The following TRDN variants were observed in gnomAD, a reference collection of about 807,000 sequenced individuals.
The protein encoded by TRDN is triadin in skeletal muscle.
In TRDN, 161 loss-of-function variants were observed where a neutral mutation model predicts 149.7. The observed-to-expected ratio is 1.08, with a 90% confidence interval of 0.95 to 1.23. The LOEUF (loss-of-function observed/expected upper bound fraction) is 1.23, where lower values mean the gene tolerates loss of function less well. TRDN is among the 50% of genes most tolerant of loss of function. TRDN has a pLI of 0.00. For synonymous variants in TRDN, 294 were observed against 250.5 expected (o/e 1.17, Z -1.64); for missense variants, 896 against 823.5 (o/e 1.09, Z -1.08).
intron 4 of TRDN, among the ~76,000 whole-genome samples, chr6:123,540,160 A>G (rs1385766580): frequency 6.6e-6 from 1 of 152,234 alleles, no homozygotes; most frequent in Non-Finnish European, 1.5e-5. Context: ...AGGCCTTGAT[A>G]AAGTGCATAT....
intron 21 of TRDN, chr6:123,349,651 A>T: frequency 1.1e-6 from 1 of 947,028 alleles, no homozygotes; most frequent in South Asian, 4.9e-5. Flanking sequence ...GTCTTTTTTT[A>T]TAACTTTGGT....
At chr6:123,446,913 ATT>A (rs5879681) in intron 10 of TRDN, among the ~76,000 whole-genome samples, 2 of 150,642 alleles carry the variant, frequency 1.3e-5, no homozygotes, top group African/African-American at 4.9e-5. Context: ...TTCTTCTTCT[ATT>A]TTTTTTTTCC....
At chr6:123,572,970 T>C (rs770374302) in intron 1 of TRDN, among the ~76,000 whole-genome samples, 8 of 152,088 alleles carry the variant, frequency 5.3e-5, no homozygotes, top group Non-Finnish European at 1.0e-4. Context: ...ATGTGTCCAA[T>C]AATAATTGAA....
chr6:123,535,659 A>G (rs1034403631), intron 4 of TRDN, among the ~76,000 whole-genome samples: 1 of 152,158 alleles, frequency 6.6e-6, no homozygotes. Context: ...TTCCTCACAC[A>G]GACTGTTTTT....
At chr6:123,319,917 T>C (rs1779180473) in intron 23 of TRDN, among the ~76,000 whole-genome samples, 1 of 152,094 alleles carries the variant, frequency 6.6e-6, no homozygotes, top group Non-Finnish European at 1.5e-5. Flanking sequence ...AATAGTGTTT[T>C]CAAGTAGAAT....
chr6:123,571,382 T>A (rs1329694686), intron 1 of TRDN, among the ~76,000 whole-genome samples: 1 of 152,138 alleles, frequency 6.6e-6, no homozygotes, highest in African/African-American at 2.4e-5. Flanking sequence ...TGAGGGAGAA[T>A]CAACACAAGT....
At chr6:123,226,990 G>A (rs993730037) in intron 38 of TRDN, among the ~76,000 whole-genome samples, 2 of 151,832 alleles carry the variant, frequency 1.3e-5, no homozygotes, top group African/African-American at 4.8e-5. Flanking sequence ...TAGAGACAGC[G>A]AAGGACAGAG....
At chr6:123,266,656 G>GTATTATATATAATATATAT (rs1562237738) in intron 32 of TRDN, among the ~76,000 whole-genome samples, 1 of 27,266 alleles carries the variant, frequency 3.7e-5, no homozygotes, top group Non-Finnish European at 5.9e-5. Context: ...ATAATAATAT[G>GTATTATATATAATATATAT]TATAATATGT....
At chr6:123,288,936 C>A (rs1777896086) in intron 24 of TRDN, among the ~76,000 whole-genome samples, 1 of 151,284 alleles carries the variant, frequency 6.6e-6, no homozygotes, top group South Asian at 2.1e-4. Flanking sequence ...ATTTGAACTC[C>A]CATGTTCATT....
chr6:123,544,252 C>G (rs904877388), intron 4 of TRDN, among the ~76,000 whole-genome samples: 1 of 24,398 alleles, frequency 4.1e-5, no homozygotes, highest in Non-Finnish European at 9.3e-5. Context: ...TACATACACA[C>G]ACACACACAC....
chr6:123,344,000 T>G (rs1780161094), intron 21 of TRDN, among the ~76,000 whole-genome samples: 1 of 152,040 alleles, frequency 6.6e-6, no homozygotes, highest in African/African-American at 2.4e-5. Context: ...TCTCTTGCCC[T>G]CTTTCTGCAT....
intron 22 of TRDN, among the ~76,000 whole-genome samples, chr6:123,336,096 G>A (rs1779855961): frequency 6.6e-6 from 1 of 151,482 alleles, no homozygotes; most frequent in African/African-American, 2.4e-5. Context: ...CATAGTGTAT[G>A]TCCAATGCAT....
intron 40 of TRDN, among the ~76,000 whole-genome samples, chr6:123,220,150 T>C (rs1196265349): frequency 6.6e-6 from 1 of 151,848 alleles, no homozygotes; most frequent in Non-Finnish European, 1.5e-5. Context: ...TTACTAAAAG[T>C]ATTTGCGTTT....
intron 18 of TRDN, 144 bp from the exon 19 acceptor site, chr6:123,375,775 A>C (rs1781478897): frequency 1.7e-6 from 1 of 602,336 alleles, no homozygotes; most frequent in Non-Finnish European, 2.7e-6. Flanking sequence ...TGAGAAAAGG[A>C]AAATATAATA....
At chr6:123,411,292 GC>G (rs1773432963) in intron 12 of TRDN, among the ~76,000 whole-genome samples, 1 of 151,952 alleles carries the variant, frequency 6.6e-6, no homozygotes, top group Non-Finnish European at 1.5e-5. Context: ...TGATCCGCCT[GC>G]CTCGGCTTCC....
chr6:123,564,814 C>A (rs938188683), intron 2 of TRDN, among the ~76,000 whole-genome samples: 2 of 152,136 alleles, frequency 1.3e-5, no homozygotes, highest in African/African-American at 2.4e-5. Context: ...TTAATTCTTA[C>A]AAAATTGGTT....
chr6:123,372,981 C>T (rs1339055733), intron 19 of TRDN, among the ~76,000 whole-genome samples: 2 of 148,742 alleles, frequency 1.3e-5, no homozygotes, highest in Non-Finnish European at 3.0e-5. Flanking sequence ...CCCTGCCTAG[C>T]CCAAGGTACA....
chr6:123,393,794 G>T, intron 12 of TRDN, 117 bp from the exon 13 acceptor site: 1 of 974,082 alleles, frequency 1.0e-6, no homozygotes, highest in Non-Finnish European at 1.5e-6. Context: ...CTTTTGACAC[G>T]AAGAATTTTT....
chr6:123,254,292 G>A (rs1776475937), intron 37 of TRDN, among the ~76,000 whole-genome samples: 1 of 151,918 alleles, frequency 6.6e-6, no homozygotes, highest in Non-Finnish European at 1.5e-5. Context: ...TGATAATTAT[G>A]AATACATTAA....
Sources: allele counts gnomAD v4.1 joint callset (sites outside exome capture counted in the v4.1 genomes callset), GRCh38; gene constraint gnomAD v4.1.1; transcripts MANE v1.5; gene names NCBI Gene and HGNC (gene_info 2026-07-23, HGNC 2026-07-21).